UBE2E2: variants seen among roughly 807,000 people sequenced by gnomAD.
The protein encoded by UBE2E2 is ubiquitin-conjugating enzyme E2 E2.
UBE2E2 carries 6 observed loss-of-function variants against 24.7 expected under a neutral mutation model. The observed-to-expected ratio is 0.24, with a 90% CI of 0.13 to 0.48. UBE2E2 has a LOEUF of 0.48. UBE2E2 is among the 20% of genes least tolerant of loss of function. The pLI is 0.99. For missense variants in UBE2E2, 169 were observed against 245.0 expected (o/e 0.69, Z 2.07); for synonymous variants, 104 against 83.6 (o/e 1.24, Z -1.33).
intron 3 of UBE2E2, among the ~76,000 whole-genome samples, chr3:23,307,052 A>G (rs1258863901): frequency 2.0e-5 from 3 of 152,294 alleles, no homozygotes; most frequent in South Asian, 4.1e-4. Context: ...AGACAAGCTG[A>G]TATTTTTGGT....
At chr3:23,270,654 T>G (rs572961630) in intron 3 of UBE2E2, among the ~76,000 whole-genome samples, 115 of 152,296 alleles carry the variant, frequency 7.6e-4, no homozygotes, top group Non-Finnish European at 1.3e-3. Context: ...GCTTTCAGTC[T>G]TTTAACTTGC....
chr3:23,446,824 G>T (rs1237092977), intron 3 of UBE2E2, among the ~76,000 whole-genome samples: 2 of 150,526 alleles, frequency 1.3e-5, no homozygotes, highest in Non-Finnish European at 2.9e-5. Flanking sequence ...CCCGAGACTT[G>T]GGTCAAAACT....
At chr3:23,571,370 A>T (rs1575715995) in intron 5 of UBE2E2, among the ~76,000 whole-genome samples, 1 of 139,172 alleles carries the variant, frequency 7.2e-6, no homozygotes, top group Non-Finnish European at 1.5e-5. Context: ...GCTCACTGCA[A>T]CCTCCGTTTC....
At chr3:23,347,190 A>G (rs1330061503) in intron 3 of UBE2E2, among the ~76,000 whole-genome samples, 2 of 152,240 alleles carry the variant, frequency 1.3e-5, no homozygotes, top group East Asian at 3.8e-4. Context: ...TGACCCAGCC[A>G]TCCCATTACT....
intron 2 of UBE2E2, among the ~76,000 whole-genome samples, chr3:23,210,217 C>T (rs1020374756): frequency 6.6e-6 from 1 of 152,084 alleles, no homozygotes; most frequent in African/African-American, 2.4e-5. Context: ...TGTAGTTCCA[C>T]GCAGATGAGG....
intron 3 of UBE2E2, among the ~76,000 whole-genome samples, chr3:23,229,374 AT>A (rs1696914913): frequency 1.3e-5 from 2 of 151,864 alleles, no homozygotes. Flanking sequence ...GATTTGTGAG[AT>A]TTTGGTGCAC....
rs368324703 is a variant in UBE2E2 at position 23,545,336 on chromosome 3, C to T, written c.508+12635C>T. On this transcript the variant is annotated intron_variant, in intron 5 of 5. Transcript: ENST00000396703. ...CTAGGCAGAGGTCCCTGTGGCCTTC[C>T]GCAGTGTTTGTGTCCCTGGGTACTT... Among the ~76,000 whole-genome samples, 42 of 152,244 alleles carry T rather than the reference C, an allele frequency of 2.8e-4. 1 individual carries two copies. In the East Asian group the frequency reaches 7.5e-3, roughly 27 times the overall value.
intron 3 of UBE2E2, among the ~76,000 whole-genome samples, chr3:23,263,862 T>C (rs1211913063): frequency 6.6e-6 from 1 of 152,154 alleles, no homozygotes; most frequent in Non-Finnish European, 1.5e-5. Context: ...TTGGCGAAAC[T>C]GCATAGGTCA....
intron 5 of UBE2E2, among the ~76,000 whole-genome samples, chr3:23,535,222 C>A (rs947988984): frequency 2.6e-5 from 4 of 152,170 alleles, no homozygotes; most frequent in Admixed American, 1.3e-4. Flanking sequence ...TCACTGGATT[C>A]CTCTGAGGTT....
At chr3:23,499,852 C>G in intron 4 of UBE2E2, 112 bp downstream of exon 4, 1 of 1,275,072 alleles carries the variant, frequency 7.8e-7, no homozygotes, top group Non-Finnish European at 1.0e-6. Context: ...TTGTCACAGA[C>G]AGCTTCCCAG....
chr3:23,232,029 G>A (rs1696987727), intron 3 of UBE2E2, among the ~76,000 whole-genome samples: 2 of 152,282 alleles, frequency 1.3e-5, no homozygotes, highest in South Asian at 4.2e-4. Context: ...GACCTCTTAT[G>A]GAGACCTTAT....
At chr3:23,447,358 A>G (rs1034781352) in intron 3 of UBE2E2, among the ~76,000 whole-genome samples, 3 of 152,210 alleles carry the variant, frequency 2.0e-5, no homozygotes, top group African/African-American at 7.2e-5. Flanking sequence ...GTATCTCATC[A>G]GTTCTAAGAA....
In UBE2E2 at chr3:23,239,632, T is replaced by C. The variant is rs1575495035; in HGVS notation, c.227+22320T>C. On this transcript the variant is annotated intron_variant, in intron 3 of 5. Transcript: ENST00000396703. Reference sequence around the variant, plus strand: ...AAATAATTGAGTGGAGGTTGGGAGGTTTAAGAGATTCCATTAAAGAAGAAG... The same window carrying C: ...AAATAATTGAGTGGAGGTTGGGAGGCTTAAGAGATTCCATTAAAGAAGAAG... Among the ~76,000 whole-genome samples the C allele has an allele frequency of 4.6e-5, 7 of 151,742 alleles. No individual in the cohort carries two copies. In the South Asian group the frequency reaches 1.5e-3, roughly 32 times the overall value.
chr3:23,208,817 A>G lies in UBE2E2; in HGVS notation c.118A>G (p.Lys40Glu). ...EPEREQVQPKKKEGKISSKTA... is the reference protein window; with the variant it reads ...EPEREQVQPKEKEGKISSKTA... ...AGAAAGAGAACAAGTTCAGCCCAAGAAAAAGGAGGGAAAAATATCCAGCAA... is the reference window on the plus strand; with the variant it reads ...AGAAAGAGAACAAGTTCAGCCCAAGGAAAAGGAGGGAAAAATATCCAGCAA... Residue 40 changes from lysine (K) to glutamate (E), a missense_variant, in exon 2 of 6, where the codon AAA becomes GAA. Physicochemically the swap from Lys to Glu is moderately conservative, Grantham distance 56 (BLOSUM62 1). Around this residue, in one of 2 missense-constraint regions of UBE2E2, gnomAD observed 64 missense variants for 64.3 expected, o/e 1.00. Transcript: ENST00000396703. 6.2e-7 allele frequency: 1 copy of G among 1,613,454 alleles called. No individual in the cohort carries two copies. Among genetic ancestry groups the G allele is most frequent in the Non-Finnish European group, 8.5e-7 (1 of 1,179,662 alleles).
At chr3:23,489,457 A>C (rs1268977274) in intron 3 of UBE2E2, among the ~76,000 whole-genome samples, 1 of 152,120 alleles carries the variant, frequency 6.6e-6, no homozygotes, top group Admixed American at 6.5e-5. Context: ...ATCTATTGCC[A>C]CCGCTGATGT....
chr3:23,461,072 T>A (rs1575645464), intron 3 of UBE2E2, among the ~76,000 whole-genome samples: 1 of 152,214 alleles, frequency 6.6e-6, no homozygotes, highest in African/African-American at 2.4e-5. Context: ...TTTCATGTGT[T>A]TCCACAGCAC....
chr3:23,573,967 A>G (rs1211354357), intron 5 of UBE2E2, among the ~76,000 whole-genome samples: 1 of 152,204 alleles, frequency 6.6e-6, no homozygotes, highest in Non-Finnish European at 1.5e-5. Context: ...AGCTGTGTGC[A>G]ATGCTTAAAC....
At chr3:23,249,731 C>G (rs1697520716) in intron 3 of UBE2E2, among the ~76,000 whole-genome samples, 1 of 151,996 alleles carries the variant, frequency 6.6e-6, no homozygotes. Flanking sequence ...TCTCGGCTCA[C>G]TGCAAGCTCT....
At chr3:23,383,934 A>G (rs1358533564) in intron 3 of UBE2E2, among the ~76,000 whole-genome samples, 1 of 151,426 alleles carries the variant, frequency 6.6e-6, no homozygotes. Flanking sequence ...GCCATATAAA[A>G]CTATTAATAA....
Sources: allele counts gnomAD v4.1 joint callset (sites outside exome capture counted in the v4.1 genomes callset), GRCh38; gene constraint gnomAD v4.1.1; regional missense constraint gnomAD v4.1.1; transcripts MANE v1.5; gene names NCBI Gene and HGNC (gene_info 2026-07-23, HGNC 2026-07-21).